Variants in RPS6KC1 observed in about 807,000 individuals in gnomAD.
RPS6KC1 encodes ribosomal protein S6 kinase C1, also known as inactive ribosomal protein S6 kinase delta-1.
RPS6KC1 carries 54 observed loss-of-function variants against 103.8 expected under a neutral mutation model. That is an observed-to-expected ratio of 0.52 (90% CI 0.42 to 0.65). RPS6KC1 has a LOEUF of 0.65. Ranked by LOEUF, RPS6KC1 falls within the 30% of genes least tolerant of loss-of-function variation. The pLI, the probability that RPS6KC1 is intolerant of heterozygous loss-of-function variation, is 0.00. For missense variants in RPS6KC1, 1,151 were observed against 1,253.8 expected (o/e 0.92, Z 1.24); for synonymous variants, 439 against 438.7 (o/e 1.00, Z -0.01).
chr1:213,180,091 C>T (rs1450865075), intron 8 of RPS6KC1, among the ~76,000 whole-genome samples: 1 of 151,720 alleles, frequency 6.6e-6, no homozygotes, highest in East Asian at 1.9e-4. Context: ...TTATAAAATC[C>T]CTCATTAACA....
chr1:213,633,874 C>CAAAAAAAAAAAAA, the RPS6KC1 span, among the ~76,000 whole-genome samples: 4 of 8,278 alleles, frequency 4.8e-4, 2 homozygotes, highest in African/African-American at 2.4e-3. Flanking sequence ...AAATGGAAAG[C>CAAAAAAAAAAAAA]AAAAAAAAAA....
the RPS6KC1 span, among the ~76,000 whole-genome samples, chr1:213,425,051 C>T: frequency 3.9e-5 from 6 of 152,082 alleles, no homozygotes; most frequent in Admixed American, 1.3e-4. Flanking sequence ...ACGGAGGAGC[C>T]GCCATGTAGC....
the RPS6KC1 span, among the ~76,000 whole-genome samples, chr1:213,854,689 G>C: frequency 2.4e-4 from 37 of 151,894 alleles, no homozygotes; most frequent in African/African-American, 8.5e-4. Context: ...TTACAGACTT[G>C]CAAAATAAAT....
the RPS6KC1 span, among the ~76,000 whole-genome samples, chr1:213,546,808 G>A: frequency 6.6e-6 from 1 of 152,112 alleles, no homozygotes; most frequent in Non-Finnish European, 1.5e-5. Context: ...TGGTACATTT[G>A]TTACAACTAA....
the RPS6KC1 span, among the ~76,000 whole-genome samples, chr1:213,739,248 T>G: frequency 6.6e-6 from 1 of 152,260 alleles, no homozygotes; most frequent in Non-Finnish European, 1.5e-5. Flanking sequence ...TATGATTTTT[T>G]AAAATAACAT....
At chr1:213,223,860 G>T (rs2093896387) in intron 8 of RPS6KC1, among the ~76,000 whole-genome samples, 1 of 152,130 alleles carries the variant, frequency 6.6e-6, no homozygotes, top group Non-Finnish European at 1.5e-5. Flanking sequence ...TTGTTCTGGA[G>T]TCCCATGAAG....
the RPS6KC1 span, among the ~76,000 whole-genome samples, chr1:213,391,528 G>A: frequency 6.6e-6 from 1 of 152,196 alleles, no homozygotes; most frequent in Non-Finnish European, 1.5e-5. Context: ...TTTGGTCAGG[G>A]TGGGTGTACA....
chr1:213,591,111 C>T, the RPS6KC1 span, among the ~76,000 whole-genome samples: 26 of 152,278 alleles, frequency 1.7e-4, no homozygotes, highest in Admixed American at 1.5e-3. Flanking sequence ...CCACCGGGCA[C>T]GATGCCTTTC....
At chr1:213,801,755 T>A in the RPS6KC1 span, among the ~76,000 whole-genome samples, 37,099 of 152,046 alleles carry the variant, frequency 0.24, 7,327 homozygotes, top group African/African-American at 0.52. Flanking sequence ...TTATTCTGTG[T>A]TTTAATGTGG....
the RPS6KC1 span, among the ~76,000 whole-genome samples, chr1:213,345,960 C>T: frequency 6.6e-6 from 1 of 152,150 alleles, no homozygotes; most frequent in African/African-American, 2.4e-5. Flanking sequence ...TTTAAATAAG[C>T]TTTTTATTGT....
intron 1 of RPS6KC1, among the ~76,000 whole-genome samples, chr1:213,067,931 A>C (rs531286874): frequency 1.3e-5 from 2 of 152,240 alleles, no homozygotes; most frequent in Admixed American, 1.3e-4. Context: ...TGGTACTTCT[A>C]ATATGTACAC....
At chr1:213,736,907 G>A in the RPS6KC1 span, among the ~76,000 whole-genome samples, 1 of 152,170 alleles carries the variant, frequency 6.6e-6, no homozygotes, top group Non-Finnish European at 1.5e-5. Flanking sequence ...AACCTAAAAG[G>A]TTTCATCCAG....
intron 8 of RPS6KC1, among the ~76,000 whole-genome samples, chr1:213,213,689 A>G: frequency 6.6e-6 from 1 of 152,230 alleles, no homozygotes; most frequent in East Asian, 1.9e-4. Context: ...GAATGAAACA[A>G]TGTAGGAATG....
At chr1:213,374,719 T>C in the RPS6KC1 span, among the ~76,000 whole-genome samples, 4 of 152,162 alleles carry the variant, frequency 2.6e-5, no homozygotes, top group South Asian at 2.1e-4. Flanking sequence ...TACAAATGGC[T>C]GACCTTCGGA....
At chr1:213,713,448 G>A in the RPS6KC1 span, among the ~76,000 whole-genome samples, 2 of 152,104 alleles carry the variant, frequency 1.3e-5, no homozygotes, top group Non-Finnish European at 2.9e-5. Context: ...CTGTCTCATA[G>A]CAGTACTTTT....
intron 3 of RPS6KC1, among the ~76,000 whole-genome samples, chr1:213,087,117 T>TA (rs1192629152): frequency 6.6e-6 from 1 of 152,194 alleles, no homozygotes; most frequent in Non-Finnish European, 1.5e-5. Context: ...CCTTTTTTTT[T>TA]ACAGATGAAA....
intron 12 of RPS6KC1, among the ~76,000 whole-genome samples, chr1:213,247,488 C>A (rs957380676): frequency 6.6e-5 from 10 of 152,086 alleles, no homozygotes; most frequent in Admixed American, 5.9e-4. Context: ...CATGGAGCTC[C>A]ATGTAATAGT....
At chr1:213,602,496 G>C in the RPS6KC1 span, among the ~76,000 whole-genome samples, 1 of 152,020 alleles carries the variant, frequency 6.6e-6, no homozygotes, top group Admixed American at 6.5e-5. Context: ...GCCTCCCAAA[G>C]TGCTGGGATT....
At chr1:213,367,811 G>A in the RPS6KC1 span, among the ~76,000 whole-genome samples, 17 of 152,296 alleles carry the variant, frequency 1.1e-4, no homozygotes, top group African/African-American at 4.1e-4. Context: ...CTTAAGGAGG[G>A]TAGATAAGAA....
Sources: gnomAD v4.1 joint callset for allele counts (sites outside exome capture counted in the v4.1 genomes callset) on GRCh38, gnomAD v4.1.1 for gene constraint, MANE v1.5 for transcripts, NCBI Gene and HGNC (gene_info 2026-07-23, HGNC 2026-07-21) for gene names.